Variants in TUBA1C observed in about 807,000 individuals in gnomAD.
TUBA1C encodes the protein tubulin alpha-1C chain.
Under a neutral mutation model 34.9 loss-of-function variants are expected in TUBA1C, and 16 were observed. That is an observed-to-expected ratio of 0.46 (90% CI 0.31 to 0.70). TUBA1C has a LOEUF of 0.70. Ranked by LOEUF, TUBA1C falls within the 30% of genes least tolerant of loss-of-function variation. The pLI, the probability that TUBA1C is intolerant of heterozygous loss-of-function variation, is 0.05. For synonymous variants in TUBA1C, 177 were observed against 215.9 expected, an observed-to-expected ratio of 0.82 and a Z score of 1.58; for missense variants, 329 against 587.3, an observed-to-expected ratio of 0.56 and a Z score of 4.55.
intron 1 of TUBA1C, among the ~76,000 whole-genome samples, chr12:49,258,712 G>A (rs1942811813): frequency 6.6e-6 from 1 of 151,582 alleles, no homozygotes; most frequent in East Asian, 1.9e-4. Context: ...ACAGGCATGA[G>A]CTATCATGCC....
At chr12:49,268,450 C>T (rs1400875618) in intron 1 of TUBA1C, among the ~76,000 whole-genome samples, 1 of 151,360 alleles carries the variant, frequency 6.6e-6, no homozygotes, top group Non-Finnish European at 1.5e-5. Context: ...ACCATGTTGG[C>T]CAGGCTGATT....
chr12:49,258,620 G>A (rs1942810801), intron 1 of TUBA1C, among the ~76,000 whole-genome samples: 1 of 151,690 alleles, frequency 6.6e-6, no homozygotes, highest in South Asian at 2.1e-4. Context: ...TAGAGATGGG[G>A]TTTCGCCATG....
At chr12:49,271,601 A>T (rs1475729786) in intron 3 of TUBA1C, among the ~76,000 whole-genome samples, 1 of 152,230 alleles carries the variant, frequency 6.6e-6, no homozygotes, top group Non-Finnish European at 1.5e-5. Flanking sequence ...TCATACAGTA[A>T]GGAACTGGTA....
intron 1 of TUBA1C, among the ~76,000 whole-genome samples, chr12:49,258,778 C>T (rs1942812786): frequency 6.8e-6 from 1 of 146,202 alleles, no homozygotes; most frequent in Non-Finnish European, 1.5e-5. Flanking sequence ...TTTTTTGAGA[C>T]GGAGTTTTGC....
chr12:49,264,287 T>G (rs767506185), upstream of TUBA1C, among the ~76,000 whole-genome samples: 4 of 151,854 alleles, frequency 2.6e-5, no homozygotes, highest in Non-Finnish European at 5.9e-5. Flanking sequence ...TTCATTATCC[T>G]AATGAACTGA....
chr12:49,247,562 C>T (rs1031125701), intron 1 of TUBA1C, among the ~76,000 whole-genome samples: 8 of 151,044 alleles, frequency 5.3e-5, no homozygotes, highest in Non-Finnish European at 1.0e-4. Context: ...CGAGATTGCA[C>T]CACTGCACTC....
upstream of TUBA1C, among the ~76,000 whole-genome samples, chr12:49,264,473 G>C (rs992241979): frequency 6.6e-6 from 1 of 152,122 alleles, no homozygotes; most frequent in Non-Finnish European, 1.5e-5. Flanking sequence ...GCGGCGAGGG[G>C]AGCGGGCGCC....
rs757263250 is a variant in TUBA1C at position 49,273,185 on chromosome 12, A to C, written c.1308A>C (p.Gly436=). 1 of 1,614,218 alleles carries C rather than the reference A, an allele frequency of 6.2e-7. No individual in the cohort carries two copies. The highest frequency in any genetic ancestry group is 2.2e-5 in the East Asian group (1 of 44,892). ...AALEKDYEEV[G]ADSADGEDEG... The stretch of plus-strand genomic sequence containing the variant: ...TTGAGAAGGATTATGAGGAGGTTGG[A>C]GCAGATAGTGCTGACGGAGAGGATG... The change falls in exon 4 of 4, where the codon GGA becomes GGC. Residue 436 remains glycine (G), a synonymous_variant. Transcript: ENST00000301072.
At chr12:49,247,196 A>G (rs1942679323) in intron 1 of TUBA1C, among the ~76,000 whole-genome samples, 1 of 152,026 alleles carries the variant, frequency 6.6e-6, no homozygotes, top group Admixed American at 6.6e-5. Flanking sequence ...CTAAGCAGAG[A>G]GATCAGCAGC....
chr12:49,232,066 G>T (rs1033459094), intron 1 of TUBA1C, among the ~76,000 whole-genome samples: 1 of 152,188 alleles, frequency 6.6e-6, no homozygotes, highest in Non-Finnish European at 1.5e-5. Context: ...AGAGCTGATT[G>T]GGAGGAGCTG....
At chr12:49,239,365 G>A (rs772904579) in intron 1 of TUBA1C, among the ~76,000 whole-genome samples, 3 of 152,162 alleles carry the variant, frequency 2.0e-5, no homozygotes, top group Non-Finnish European at 2.9e-5. Context: ...AGTTGGCCGC[G>A]TGGGGTGGCT....
chr12:49,241,308 C>T (rs1942612329), intron 1 of TUBA1C, among the ~76,000 whole-genome samples: 1 of 152,104 alleles, frequency 6.6e-6, no homozygotes, highest in East Asian at 1.9e-4. Context: ...GTTCATTTTG[C>T]ACCCCCAGTG....
At chr12:49,254,794 T>C (rs764479095) in intron 1 of TUBA1C, among the ~76,000 whole-genome samples, 4 of 152,090 alleles carry the variant, frequency 2.6e-5, no homozygotes, top group African/African-American at 4.8e-5. Context: ...TAGTCATGAC[T>C]TTGTCTTTCT....
intron 1 of TUBA1C, among the ~76,000 whole-genome samples, chr12:49,242,740 G>A (rs1330621500): frequency 3.3e-5 from 5 of 151,864 alleles, no homozygotes; most frequent in Admixed American, 6.6e-5. Flanking sequence ...CTCCTGCCTC[G>A]GCCTCCCAAA....
At chr12:49,250,236 A>T (rs773988131) in intron 1 of TUBA1C, among the ~76,000 whole-genome samples, 16 of 151,118 alleles carry the variant, frequency 1.1e-4, no homozygotes, top group Non-Finnish European at 1.8e-4. Context: ...AAAAAAGAGA[A>T]GACACTGGCT....
intron 1 of TUBA1C, among the ~76,000 whole-genome samples, chr12:49,240,638 A>G (rs1942605681): frequency 6.6e-6 from 1 of 152,134 alleles, no homozygotes; most frequent in Non-Finnish European, 1.5e-5. Flanking sequence ...CCCATGCTCG[A>G]GTGCAGTGGT....
In TUBA1C at chr12:49,273,295, T is replaced by C; in HGVS notation, c.*68T>C. The C allele has an allele frequency of 5.0e-6, 8 of 1,612,224 alleles. No individual in the cohort carries two copies. Among genetic ancestry groups the C allele is most frequent in the Non-Finnish European group, 6.8e-6 (8 of 1,178,588 alleles). ...TTATTTTTGTTCTGTAAATGTCTATTGCCGTAAATTGTTAATAAAATTGAA... is the reference window on the plus strand; with the variant it reads ...TTATTTTTGTTCTGTAAATGTCTATCGCCGTAAATTGTTAATAAAATTGAA... On this transcript the variant is annotated 3_prime_UTR_variant, in exon 4 of 4. Transcript: ENST00000301072.
chr12:49,229,112 G>A (rs930844514), intron 1 of TUBA1C, among the ~76,000 whole-genome samples: 2 of 152,102 alleles, frequency 1.3e-5, no homozygotes, highest in African/African-American at 4.8e-5. Context: ...TGAAGGAGGC[G>A]GTGGATTTTA....
Position 49,269,448 on chromosome 12 carries a change from C to T in TUBA1C, c.4-17C>T, listed in dbSNP as rs970053533. 5 of 1,613,926 alleles carry T rather than the reference C, an allele frequency of 3.1e-6. No homozygotes were observed. The East Asian group carries it at 8.9e-5, about 29-fold the overall frequency. ...TGATGTATTATACCCTGACATTTTC[C>T]TTTCTTCCTCCCACAGCGTGAGTGC... is the stretch of plus-strand genomic sequence containing the variant. On this transcript the variant is annotated splice_polypyrimidine_tract_variant and intron_variant, in intron 1 of 3. Transcript: ENST00000301072.
Sources: allele counts gnomAD v4.1 joint callset (sites outside exome capture counted in the v4.1 genomes callset), GRCh38; gene constraint gnomAD v4.1.1; transcripts MANE v1.5; gene names NCBI Gene and HGNC (gene_info 2026-07-23, HGNC 2026-07-21).